KCNH8: variants seen among roughly 807,000 people sequenced by gnomAD.
The protein encoded by KCNH8 is voltage-gated delayed rectifier potassium channel KCNH8.
In KCNH8, 70 loss-of-function variants were observed where a neutral mutation model predicts 103.6. The observed-to-expected ratio is 0.68, with a 90% CI of 0.56 to 0.82. The LOEUF is 0.82. Among genes scored for constraint, KCNH8 ranks in the 40% least tolerant of loss-of-function variants. The pLI is 0.00. For missense variants in KCNH8, 1,217 were observed against 1,329.9 expected (o/e 0.92, Z 1.32); for synonymous variants, 498 against 489.4 (o/e 1.02, Z -0.23).
At chr3:19,358,259 CTCTT>C (rs1252455998) in intron 5 of KCNH8, among the ~76,000 whole-genome samples, 3 of 142,834 alleles carry the variant, frequency 2.1e-5, no homozygotes, top group Non-Finnish European at 4.6e-5. Context: ...CTTTCTCTCT[CTCTT>C]TTTTTCCTTC....
chr3:19,457,565 A>G (rs1351533806), intron 11 of KCNH8, among the ~76,000 whole-genome samples: 1 of 152,048 alleles, frequency 6.6e-6, no homozygotes, highest in Non-Finnish European at 1.5e-5. Context: ...TATGTACTAT[A>G]CTGCATCCTG....
chr3:19,257,714 A>G (rs376096982), intron 2 of KCNH8, among the ~76,000 whole-genome samples: 1 of 152,112 alleles, frequency 6.6e-6, no homozygotes, highest in African/African-American at 2.4e-5. Flanking sequence ...TTAGAATAAT[A>G]TTCCCAATTC....
At chr3:19,254,156 G>A (rs904383648) in intron 2 of KCNH8, among the ~76,000 whole-genome samples, 8 of 151,680 alleles carry the variant, frequency 5.3e-5, no homozygotes, top group Non-Finnish European at 1.2e-4. Flanking sequence ...TTAAAATAAA[G>A]TACGTTACTA....
chr3:19,333,140 A>G (rs1317384398), intron 3 of KCNH8, among the ~76,000 whole-genome samples: 1 of 151,854 alleles, frequency 6.6e-6, no homozygotes, highest in Non-Finnish European at 1.5e-5. Context: ...TCATGTGGTT[A>G]TTTGCTATTC....
At chr3:19,247,801 T>C (rs944263972) in intron 1 of KCNH8, among the ~76,000 whole-genome samples, 13 of 152,282 alleles carry the variant, frequency 8.5e-5, no homozygotes, top group Admixed American at 3.9e-4. Flanking sequence ...AGTGACCCCA[T>C]TGCTTTGAAT....
chr3:19,495,740 G>C (rs1360013172), intron 11 of KCNH8, among the ~76,000 whole-genome samples: 2 of 151,418 alleles, frequency 1.3e-5, no homozygotes, highest in Admixed American at 1.3e-4. Context: ...ATTGCATGAA[G>C]AATGTCACTG....
chr3:19,391,447 A>G (rs2125131389), intron 6 of KCNH8, among the ~76,000 whole-genome samples: 1 of 152,174 alleles, frequency 6.6e-6, no homozygotes, highest in South Asian at 2.1e-4. Flanking sequence ...GTAAAACTTT[A>G]TTAAACATTA....
chr3:19,475,905 T>C (rs1341613143), intron 11 of KCNH8, among the ~76,000 whole-genome samples: 1 of 152,180 alleles, frequency 6.6e-6, no homozygotes, highest in Non-Finnish European at 1.5e-5. Flanking sequence ...TTAGTCAATA[T>C]ATAACTAGCC....
intron 3 of KCNH8, among the ~76,000 whole-genome samples, chr3:19,294,088 G>A (rs1265894408): frequency 6.6e-6 from 1 of 152,074 alleles, no homozygotes; most frequent in Non-Finnish European, 1.5e-5. Flanking sequence ...CTCTAAATGT[G>A]TTCTTACTGC....
chr3:19,429,465 C>T (rs544892443), intron 7 of KCNH8, among the ~76,000 whole-genome samples: 2 of 152,228 alleles, frequency 1.3e-5, no homozygotes, highest in African/African-American at 2.4e-5. Flanking sequence ...TGAGCCACCG[C>T]GCCCGGCCGG....
At chr3:19,177,699 A>G (rs894326176) in intron 1 of KCNH8, among the ~76,000 whole-genome samples, 10 of 152,108 alleles carry the variant, frequency 6.6e-5, no homozygotes, top group African/African-American at 2.4e-4. Context: ...TGTGCAAAAG[A>G]AAGTCATTTT....
At chr3:19,158,819 G>T (rs1462579955) in intron 1 of KCNH8, among the ~76,000 whole-genome samples, 3 of 151,756 alleles carry the variant, frequency 2.0e-5, no homozygotes, top group Non-Finnish European at 4.4e-5. Context: ...GATTATTGAA[G>T]TTTTCAGATA....
chr3:19,366,880 T>G (rs1305648980), intron 5 of KCNH8, among the ~76,000 whole-genome samples: 2 of 152,072 alleles, frequency 1.3e-5, no homozygotes, highest in African/African-American at 4.8e-5. Flanking sequence ...TTTAAATATT[T>G]TTAGATGACA....
At chr3:19,261,136 T>C (rs2064429692) in intron 2 of KCNH8, among the ~76,000 whole-genome samples, 2 of 151,478 alleles carry the variant, frequency 1.3e-5, no homozygotes, top group African/African-American at 4.8e-5. Context: ...TTCTGGGTCA[T>C]ATGGTAGTTC....
At chr3:19,346,758 A>G in intron 4 of KCNH8, 1 of 450,674 alleles carries the variant, frequency 2.2e-6, no homozygotes, top group Non-Finnish European at 4.5e-6. Flanking sequence ...GGGAATTTAT[A>G]ACTGCTCTGT....
intron 12 of KCNH8, among the ~76,000 whole-genome samples, chr3:19,511,521 T>G (rs1209500964): frequency 6.6e-6 from 1 of 152,212 alleles, no homozygotes; most frequent in Non-Finnish European, 1.5e-5. Flanking sequence ...TAGATTAAGT[T>G]TGCCCTGTTG....
intron 3 of KCNH8, among the ~76,000 whole-genome samples, chr3:19,316,998 T>A (rs1559473656): frequency 6.6e-6 from 1 of 151,882 alleles, no homozygotes; most frequent in Admixed American, 6.6e-5. Context: ...TCTTTTTTCC[T>A]CCTGTAGTCC....
intron 7 of KCNH8, among the ~76,000 whole-genome samples, chr3:19,427,304 C>T (rs2067043137): frequency 1.3e-5 from 2 of 152,288 alleles, no homozygotes; most frequent in South Asian, 4.2e-4. Flanking sequence ...GGCTAAACCA[C>T]TTTTTGTCCT....
chr3:19,163,822 T>C (rs1403784732), intron 1 of KCNH8, among the ~76,000 whole-genome samples: 1 of 152,192 alleles, frequency 6.6e-6, no homozygotes, highest in Non-Finnish European at 1.5e-5. Flanking sequence ...GATTATCCAC[T>C]TCCATTTAAT....
Sources: gnomAD v4.1 joint callset for allele counts (sites outside exome capture counted in the v4.1 genomes callset) on GRCh38, gnomAD v4.1.1 for gene constraint, MANE v1.5 for transcripts, NCBI Gene and HGNC (gene_info 2026-07-23, HGNC 2026-07-21) for gene names.